MACROD2: variants seen among roughly 807,000 people sequenced by gnomAD.
The protein encoded by MACROD2 is ADP-ribose glycohydrolase MACROD2.
Under a neutral mutation model 70.4 loss-of-function variants are expected in MACROD2, and 36 were observed. The observed-to-expected ratio is 0.51, with a 90% confidence interval of 0.39 to 0.68. MACROD2 has a LOEUF of 0.68. Ranked by LOEUF, MACROD2 falls within the 30% of genes least tolerant of loss-of-function variation. MACROD2 has a pLI of 0.00. For missense variants in MACROD2, 496 were observed against 538.4 expected, an observed-to-expected ratio of 0.92 and a Z score of 0.78; for synonymous variants, 172 against 178.8, an observed-to-expected ratio of 0.96 and a Z score of 0.30.
At chr20:14,038,668 T>G (rs976795973) in intron 2 of MACROD2, among the ~76,000 whole-genome samples, 1 of 152,238 alleles carries the variant, frequency 6.6e-6, no homozygotes, top group East Asian at 1.9e-4. Flanking sequence ...TTTTTGTGGT[T>G]TATAATTCAT....
At chr20:16,024,482 C>T (rs1452055480) in intron 15 of MACROD2, among the ~76,000 whole-genome samples, 3 of 151,586 alleles carry the variant, frequency 2.0e-5, no homozygotes, top group African/African-American at 7.3e-5. Context: ...TTTCACCCAA[C>T]CCATGCAGCC....
chr20:15,263,801 A>C (rs1483943268), intron 6 of MACROD2, among the ~76,000 whole-genome samples: 1 of 152,088 alleles, frequency 6.6e-6, no homozygotes, highest in African/African-American at 2.4e-5. Flanking sequence ...GCTATTAAAA[A>C]TGCTATTACT....
rs114115071 is a variant in MACROD2, at chr20:14,292,423, A to G, written c.272-201056A>G. ...ACATATGCAGAAGAACTTTTCTACA[A>G]CAAAGAATTATGCAGTCCAATTGTC... On this transcript the variant is annotated intron_variant, in intron 3 of 17. Coordinates refer to ENST00000684519, the MANE Select transcript of MACROD2 (RefSeq NM_001351661.2). Among the ~76,000 whole-genome samples, 560 of 152,012 alleles carry G rather than the reference A, an allele frequency of 3.7e-3. 10 individuals carry two copies. Among genetic ancestry groups the G allele is most frequent in the African/African-American group, 0.013 (533 of 41,328 alleles).
intron 5 of MACROD2, among the ~76,000 whole-genome samples, chr20:14,946,695 A>T (rs2074435341): frequency 6.6e-6 from 1 of 152,190 alleles, no homozygotes; most frequent in Non-Finnish European, 1.5e-5. Flanking sequence ...AGGTAAAAAT[A>T]GACATTAGTT....
At chr20:14,013,756 C>T (rs2052948242) in intron 2 of MACROD2, among the ~76,000 whole-genome samples, 1 of 130,436 alleles carries the variant, frequency 7.7e-6, no homozygotes, top group African/African-American at 2.9e-5. Context: ...GACCTTGTCT[C>T]ACTGCAACCT....
chr20:15,400,880 C>G lies in MACROD2; in HGVS notation c.541-30525C>G, dbSNP rs1464804047. ...GAAAATGGAGAAGCATAGTTGCAGG[C>G]CTCTCATTTGTGCCCCATGAGGGAG... is the stretch of plus-strand genomic sequence containing the variant. On this transcript the variant is annotated intron_variant, in intron 6 of 17. Transcript: ENST00000684519. Among the ~76,000 whole-genome samples the G allele has an allele frequency of 4.6e-5, 7 of 152,158 alleles. 1 individual carries two copies. Among genetic ancestry groups the G allele is most frequent in the Admixed American group, 4.6e-4 (7 of 15,276 alleles).
chr20:14,067,086 C>T (rs2053770466), intron 2 of MACROD2, among the ~76,000 whole-genome samples: 1 of 148,740 alleles, frequency 6.7e-6, no homozygotes, highest in Non-Finnish European at 1.5e-5. Context: ...CCTGAGATTA[C>T]AGGCGTGAGC....
At chr20:14,976,804 G>C (rs943084248) in intron 5 of MACROD2, among the ~76,000 whole-genome samples, 2 of 152,100 alleles carry the variant, frequency 1.3e-5, no homozygotes, top group African/African-American at 2.4e-5. Context: ...GTGTAAAATG[G>C]GGATAGTAGC....
chr20:14,897,306 T>C (rs543093150), intron 5 of MACROD2, among the ~76,000 whole-genome samples: 1 of 152,114 alleles, frequency 6.6e-6, no homozygotes, highest in Non-Finnish European at 1.5e-5. Context: ...ATAATTACAG[T>C]CTTATCAAAT....
chr20:15,825,816 T>C (rs1375610395), intron 8 of MACROD2, among the ~76,000 whole-genome samples: 3 of 152,188 alleles, frequency 2.0e-5, no homozygotes, highest in South Asian at 2.1e-4. Flanking sequence ...TTTGGCATGA[T>C]GGCTAGAGAA....
intron 5 of MACROD2, among the ~76,000 whole-genome samples, chr20:15,153,950 A>G (rs2076289226): frequency 6.6e-6 from 1 of 152,182 alleles, no homozygotes; most frequent in South Asian, 2.1e-4. Flanking sequence ...TGTGAACAAC[A>G]CAAATGATTG....
intron 5 of MACROD2, among the ~76,000 whole-genome samples, chr20:15,135,419 T>A (rs1287841637): frequency 6.7e-6 from 1 of 150,046 alleles, no homozygotes; most frequent in African/African-American, 2.4e-5. Context: ...TATACGCAAA[T>A]CAATAAATGT....
intron 6 of MACROD2, among the ~76,000 whole-genome samples, chr20:15,410,173 G>A (rs768869178): frequency 5.9e-5 from 9 of 152,038 alleles, no homozygotes; most frequent in Non-Finnish European, 1.3e-4. Flanking sequence ...AAACTTACAT[G>A]GATAAATGTA....
chr20:15,831,121 A>G (rs1198789792), intron 8 of MACROD2, among the ~76,000 whole-genome samples: 1 of 152,206 alleles, frequency 6.6e-6, no homozygotes, highest in Admixed American at 6.5e-5. Context: ...AAACATAATA[A>G]TAACACCCTG....
At chr20:15,084,147 C>A (rs1223569730) in intron 5 of MACROD2, among the ~76,000 whole-genome samples, 1 of 149,984 alleles carries the variant, frequency 6.7e-6, no homozygotes, top group Non-Finnish European at 1.5e-5. Flanking sequence ...CTCACTGCAA[C>A]CTCTGCCTCC....
chr20:15,239,778 A>G (rs1568661642), intron 6 of MACROD2, among the ~76,000 whole-genome samples: 1 of 152,216 alleles, frequency 6.6e-6, no homozygotes, highest in Non-Finnish European at 1.5e-5. Flanking sequence ...AAATAGGTTA[A>G]CACACTTAGA....
intron 8 of MACROD2, among the ~76,000 whole-genome samples, chr20:15,682,252 A>T (rs891444378): frequency 6.6e-6 from 1 of 152,136 alleles, no homozygotes; most frequent in African/African-American, 2.4e-5. Flanking sequence ...CATTTCAACC[A>T]TTTCTTCTTG....
intron 3 of MACROD2, among the ~76,000 whole-genome samples, chr20:14,167,745 A>G (rs549050965): frequency 6.6e-6 from 1 of 152,310 alleles, no homozygotes; most frequent in South Asian, 2.1e-4. Context: ...TTTCTTAATT[A>G]TAATTAAGCT....
At chr20:15,645,916 G>A (rs994402077) in intron 8 of MACROD2, among the ~76,000 whole-genome samples, 4 of 152,298 alleles carry the variant, frequency 2.6e-5, no homozygotes, top group Middle Eastern at 3.4e-3. Flanking sequence ...ATACACATGC[G>A]ATATAAATGG....
Sources: allele counts gnomAD v4.1 joint callset (sites outside exome capture counted in the v4.1 genomes callset), GRCh38; gene constraint gnomAD v4.1.1; transcripts MANE v1.5; gene names NCBI Gene and HGNC (gene_info 2026-07-23, HGNC 2026-07-21).